NLGN4X: variants seen among roughly 807,000 people sequenced by gnomAD.
The protein encoded by NLGN4X is neuroligin 4 X-linked.
A neutral mutation model predicts 40.3 loss-of-function variants in NLGN4X; 3 were observed. That is an observed-to-expected ratio of 0.07 (90% CI 0.03 to 0.19). NLGN4X has a LOEUF of 0.19. Ranked by LOEUF, NLGN4X falls within the 10% of genes least tolerant of loss-of-function variation. NLGN4X has a pLI of 1.00. For synonymous variants in NLGN4X, 270 were observed against 306.8 expected (o/e 0.88, Z 1.25); for missense variants, 382 against 708.3 (o/e 0.54, Z 5.23).
intron 1 of NLGN4X, among the ~76,000 whole-genome samples, chrX:6,192,194 A>G (rs1199277482): frequency 9.0e-6 from 1 of 111,154 alleles, no homozygotes; most frequent in Non-Finnish European, 1.9e-5. Context: ...CAGTGGAGCA[A>G]TCACAGCTAC....
intron 1 of NLGN4X, among the ~76,000 whole-genome samples, chrX:6,221,253 T>A (rs1925656240): frequency 1.9e-5 from 2 of 105,216 alleles, no homozygotes; most frequent in African/African-American, 6.9e-5. Context: ...TAATTTGTTT[T>A]TAATTTTTGT....
chrX:6,023,250 G>A, intron 3 of NLGN4X, among the ~76,000 whole-genome samples: 1 of 111,779 alleles, frequency 8.9e-6, no homozygotes, highest in Non-Finnish European at 1.9e-5. Context: ...TGTGGTTAAT[G>A]CCACCATCAC....
intron 1 of NLGN4X, among the ~76,000 whole-genome samples, chrX:6,212,694 T>C (rs762521445): frequency 8.9e-6 from 1 of 112,024 alleles, no homozygotes; most frequent in East Asian, 2.8e-4. Flanking sequence ...TCCACTGAGG[T>C]TTCCTGATGG....
intron 3 of NLGN4X, among the ~76,000 whole-genome samples, chrX:5,936,874 G>C (rs1177130307): frequency 8.9e-6 from 1 of 111,942 alleles, no homozygotes; most frequent in African/African-American, 3.2e-5. Flanking sequence ...ATCTGCTCTA[G>C]CCGATCAGTG....
chrX:5,912,747 A>G (rs1435366441), intron 3 of NLGN4X, among the ~76,000 whole-genome samples: 2 of 105,729 alleles, frequency 1.9e-5, no homozygotes, highest in African/African-American at 6.9e-5. Flanking sequence ...TTTATTCATC[A>G]GCACCTGGCC....
At chrX:5,909,464 T>C (rs148926907) in intron 3 of NLGN4X, among the ~76,000 whole-genome samples, 2,037 of 111,378 alleles carry the variant, frequency 0.018, 48 homozygotes, top group African/African-American at 0.062. Flanking sequence ...CATCTTTGTG[T>C]ATATATGTGG....
intron 2 of NLGN4X, among the ~76,000 whole-genome samples, chrX:6,084,101 T>C (rs1218907597): frequency 1.8e-5 from 2 of 111,661 alleles, no homozygotes; most frequent in Non-Finnish European, 1.9e-5. Flanking sequence ...AACCAGAACA[T>C]AGTGATAAAA....
intron 3 of NLGN4X, among the ~76,000 whole-genome samples, chrX:5,961,944 T>G (rs1322161744): frequency 8.9e-6 from 1 of 112,292 alleles, no homozygotes; most frequent in Non-Finnish European, 1.9e-5. Context: ...CTACGATATG[T>G]GATAAGCCAA....
At chrX:5,994,108 G>A (rs764000765) in intron 3 of NLGN4X, among the ~76,000 whole-genome samples, 2 of 111,714 alleles carry the variant, frequency 1.8e-5, no homozygotes, top group African/African-American at 3.3e-5. Context: ...TGGTTGTCCT[G>A]TCTGTGGCTT....
chrX:6,039,667 C>T (rs1344157283), intron 2 of NLGN4X, among the ~76,000 whole-genome samples: 4 of 112,095 alleles, frequency 3.6e-5, no homozygotes, highest in Non-Finnish European at 7.5e-5. Flanking sequence ...AATACATTTG[C>T]CACTTTGATG....
At position 6,221,751 on chromosome X, in the gene NLGN4X, C is replaced by T. The variant is rs146182197; in HGVS notation, c.-306+6790G>A. On this transcript the variant is annotated intron_variant, in intron 1 of 5. Coordinates refer to ENST00000381095, the MANE Select transcript of NLGN4X (RefSeq NM_181332.3). ...CTCAGTTGCAGCGAGCTTCTTCTGC[C>T]CCCATCCCCCATGCTTTTGAGACCA... is the stretch of plus-strand genomic sequence containing the variant. Among the ~76,000 whole-genome samples, 489 of 110,526 alleles carry T rather than the reference C, an allele frequency of 4.4e-3. 6 individuals are homozygous for T. Among genetic ancestry groups the T allele is most frequent in the African/African-American group, 0.015 (468 of 30,337 alleles).
intron 5 of NLGN4X, among the ~76,000 whole-genome samples, chrX:5,897,461 G>A (rs4358933): frequency 7.9e-4 from 87 of 110,037 alleles, no homozygotes; most frequent in African/African-American, 2.8e-3. Context: ...TGACACTGCA[G>A]CTGATTTCCA....
rs761459224 is a variant in NLGN4X, at chrX:5,902,938, CTGTGTGTA to C, written c.1601+131_1601+138del. 2.2e-3 allele frequency: 1,504 copies of C among 679,663 alleles called. 1 individual carries two copies. The highest frequency in any genetic ancestry group is 3.3e-3 in the Non-Finnish European group (1,402 of 427,387). The allele number at this position is 679,663 out of a possible 1,213,427, so 56.0% of individuals were successfully genotyped here. A position where few individuals can be genotyped will look rare whatever the true frequency, so the allele number is the denominator to read the frequency against. ...TACTGCTGTGTGTGTAAGCGTGTGT[CTGTGTGTA>C]TGTGTGTGCATGCATGTGTATGTGT... On this transcript the variant is annotated intron_variant, in intron 5 of 5. Coordinates refer to ENST00000381095, the MANE Select transcript of NLGN4X (RefSeq NM_181332.3).
At chrX:5,923,323 T>C (rs2033146214) in intron 3 of NLGN4X, among the ~76,000 whole-genome samples, 1 of 112,037 alleles carries the variant, frequency 8.9e-6, no homozygotes, top group Admixed American at 9.5e-5. Context: ...GTATTTTTTA[T>C]AGAGACAGGG....
chrX:6,092,414 GT>G (rs2038663287), intron 2 of NLGN4X, among the ~76,000 whole-genome samples: 1 of 112,114 alleles, frequency 8.9e-6, no homozygotes, highest in Non-Finnish European at 1.9e-5. Flanking sequence ...TTGGCTTCCA[GT>G]AAGGTGGAGA....
In NLGN4X at chrX:6,072,056, T is replaced by C. The variant is rs772458747; in HGVS notation, c.473-42624A>G. Among the ~76,000 whole-genome samples, 7 of 110,554 alleles carry C rather than the reference T, an allele frequency of 6.3e-5. No individual in the cohort carries two copies. The South Asian group carries it at 2.8e-3, about 44-fold the overall frequency. ...CTTTTTTTTCCCATGAGCTAGGCTG[T>C]GGTCCAAGCAGGGCATGTATTTTCT... is the stretch of plus-strand genomic sequence containing the variant. On this transcript the variant is annotated intron_variant, in intron 2 of 5. Transcript: ENST00000381095.
intron 3 of NLGN4X, among the ~76,000 whole-genome samples, chrX:6,014,749 C>A (rs1159464046): frequency 9.0e-6 from 1 of 111,685 alleles, no homozygotes; most frequent in Non-Finnish European, 1.9e-5. Context: ...AACCTTCTAA[C>A]CTAATGCCCC....
intron 4 of NLGN4X, 35 bp downstream of exon 4, chrX:5,909,019 T>C: frequency 8.3e-7 from 1 of 1,203,390 alleles, no homozygotes. Flanking sequence ...TGGTTCAGGG[T>C]ATTTGCCCGC....
intron 2 of NLGN4X, among the ~76,000 whole-genome samples, chrX:6,047,144 G>A (rs1347671978): frequency 9.0e-6 from 1 of 110,763 alleles, no homozygotes; most frequent in African/African-American, 3.3e-5. Context: ...ATCACTGAAG[G>A]TAGTCAAAAA....
Sources: allele counts gnomAD v4.1 joint callset (sites outside exome capture counted in the v4.1 genomes callset), GRCh38; gene constraint gnomAD v4.1.1; transcripts MANE v1.5; gene names NCBI Gene and HGNC (gene_info 2026-07-23, HGNC 2026-07-21).